CA7: variants seen among roughly 807,000 people sequenced by gnomAD.
CA7 encodes the protein carbonate dehydratase VII.
CA7 carries 13 observed loss-of-function variants against 31.4 expected under a neutral mutation model. The ratio of observed to expected loss-of-function variants is 0.41; its 90% confidence interval spans 0.27 to 0.66. The LOEUF (loss-of-function observed/expected upper bound fraction) is 0.66. CA7 is among the 30% of genes least tolerant of loss of function. The pLI, the probability that CA7 is intolerant of heterozygous loss-of-function variation, is 0.28. For synonymous variants in CA7, 128 were observed against 133.2 expected (o/e 0.96, Z 0.27); for missense variants, 215 against 351.0 (o/e 0.61, Z 3.10).
intron 1 of CA7, among the ~76,000 whole-genome samples, chr16:66,846,731 G>T (rs1419414395): frequency 6.6e-6 from 1 of 152,184 alleles, no homozygotes; most frequent in Non-Finnish European, 1.5e-5. Context: ...CTGTTGGGGA[G>T]ACTTATTACT....
intron 2 of CA7, among the ~76,000 whole-genome samples, chr16:66,849,357 C>A (rs1341986664): frequency 6.6e-6 from 1 of 152,154 alleles, no homozygotes; most frequent in Admixed American, 6.5e-5. Flanking sequence ...TGGAAAAGCA[C>A]AAAGTTTAAA....
chr16:66,849,648 G>A (rs998889071), intron 2 of CA7, among the ~76,000 whole-genome samples: 2 of 152,172 alleles, frequency 1.3e-5, no homozygotes, highest in Non-Finnish European at 2.9e-5. Flanking sequence ...TGATAATGGG[G>A]GTCCTGGGAG....
At chr16:66,847,334 C>T in intron 2 of CA7, 107 bp downstream of exon 2, 3 of 936,142 alleles carry the variant, frequency 3.2e-6, no homozygotes, top group East Asian at 2.6e-5. Context: ...AGAAAGGTTC[C>T]TCCTCTCACC....
intron 5 of CA7, 118 bp from the exon 6 acceptor site, chr16:66,852,594 A>G: frequency 3.7e-6 from 1 of 267,794 alleles, no homozygotes; most frequent in Non-Finnish European, 5.7e-6. Flanking sequence ...AAGAAAAAAA[A>G]AAGAAAAGAA....
At position 66,844,464 on chromosome 16, in the gene CA7, CACGGCTGCGGGG is replaced by C; in HGVS notation, c.-18_-7del. The C allele has an allele frequency of 6.5e-7, 1 of 1,537,498 alleles. No homozygotes were observed. Among genetic ancestry groups the C allele is most frequent in the Non-Finnish European group, 8.8e-7 (1 of 1,141,456 alleles). ...GCGGACCGAGCCGACCGGGCAGGTGCACGGCTGCGGGGACGGCAGCGGCATGACCGGCCACCA... is the reference window on the plus strand; with the variant it reads ...GCGGACCGAGCCGACCGGGCAGGTGCACGGCAGCGGCATGACCGGCCACCA... On this transcript the variant is annotated 5_prime_UTR_variant, in exon 1 of 7. Coordinates refer to ENST00000338437, the MANE Select transcript of CA7 (RefSeq NM_005182.3).
rs781755614 is a variant in CA7, at chr16:66,853,366, C to T, written c.673-10C>T. ...CAATCTGCCCTGAGCATTCCTTCTGCTTCCTCAAGATGGGGAAGTTCCGGA... is the reference window on the plus strand; with the variant it reads ...CAATCTGCCCTGAGCATTCCTTCTGTTTCCTCAAGATGGGGAAGTTCCGGA... On this transcript the variant is annotated splice_polypyrimidine_tract_variant and intron_variant, in intron 6 of 6. Transcript: ENST00000338437. The surrounding 1 kb of genome is among the most constrained non-coding windows in gnomAD (Gnocchi z 4.5). The T allele has an allele frequency of 6.2e-7, 1 of 1,614,110 alleles. No individual in the cohort carries two copies.
chr16:66,852,417 C>T (rs774801838), intron 5 of CA7, among the ~76,000 whole-genome samples: 1 of 149,540 alleles, frequency 6.7e-6, no homozygotes, highest in Admixed American at 6.7e-5. Flanking sequence ...GAGCCGAGAT[C>T]GTGCCACTGC....
Position 66,853,740 on chromosome 16 carries a change from C to T in CA7, c.*242C>T, listed in dbSNP as rs1597064797. On this transcript the variant is annotated 3_prime_UTR_variant, in exon 7 of 7. Transcript: ENST00000338437. The surrounding 1 kb of genome is among the most constrained non-coding windows in gnomAD (Gnocchi z 4.5). ...GGGTCCAAGCCTGGGGCTGCCTCTG[C>T]TCTCCAAGACCCAAAGACCCTGGGA... The T allele has an allele frequency of 9.7e-6, 5 of 513,798 alleles. No individual in the cohort carries two copies. The East Asian group carries it at 1.6e-4, about 16-fold the overall frequency. The allele number at this position is 513,798 out of a possible 1,614,324, so 31.8% of individuals were successfully genotyped here. A position where few individuals can be genotyped will look rare whatever the true frequency, so the allele number is the denominator to read the frequency against.
chr16:66,853,413 A>T lies in CA7; in HGVS notation c.710A>T (p.Asp237Val). The change falls in exon 7 of 7, where the codon GAC becomes GTC. Residue 237 changes from aspartate to valine, a missense_variant. Physicochemically the swap from Asp to Val is radical, Grantham distance 152 (BLOSUM62 -3). Coordinates refer to ENST00000338437, the MANE Select transcript of CA7 (RefSeq NM_005182.3). The surrounding 1 kb of genome is among the most constrained non-coding windows in gnomAD (Gnocchi z 4.5). ...KFRSLLFTSE[D>V]DERIHMVNNF... The stretch of plus-strand genomic sequence containing the variant: ...CGGAGCCTGCTTTTTACCTCGGAGG[A>T]CGATGAGAGGATCCACATGGTGAAC... The T allele has an allele frequency of 6.2e-7, 1 of 1,614,112 alleles. No individual in the cohort carries two copies. Among genetic ancestry groups the T allele is most frequent in the Middle Eastern group, 1.6e-4 (1 of 6,062 alleles).
intron 1 of CA7, among the ~76,000 whole-genome samples, chr16:66,846,690 G>T (rs986190022): frequency 6.6e-6 from 1 of 152,164 alleles, no homozygotes; most frequent in Admixed American, 6.5e-5. Context: ...GATGGGGTCA[G>T]GTCAGAGACT....
intron 2 of CA7, among the ~76,000 whole-genome samples, chr16:66,848,796 C>T (rs1313775345): frequency 6.6e-6 from 1 of 152,172 alleles, no homozygotes; most frequent in Admixed American, 6.5e-5. Context: ...GGAGCCCACA[C>T]TATAGGGTCC....
chr16:66,851,682 A>C lies in CA7; in HGVS notation c.472A>C (p.Ser158Arg). Reference sequence around the variant, plus strand: ...CTGACAGACAGGAGACGAGCACCCCAGCATGAATCGTCTGACAGATGCGCT... The same window carrying C: ...CTGACAGACAGGAGACGAGCACCCCCGCATGAATCGTCTGACAGATGCGCT... ...VFLETGDEHP[S>R]MNRLTDALYM... Residue 158 changes from serine (S) to arginine (R), a missense_variant, in exon 5 of 7, where the codon AGC becomes CGC. Transcript: ENST00000338437. 2 of 1,614,160 alleles carry C rather than the reference A, an allele frequency of 1.2e-6. No individual in the cohort carries two copies. Among genetic ancestry groups the C allele is most frequent in the South Asian group, 2.2e-5 (2 of 91,080 alleles).
Position 66,853,438 on chromosome 16 carries a change from C to T in CA7, c.735C>T (p.Asn245=), listed in dbSNP as rs147331762. The change falls in exon 7 of 7, where the codon AAC becomes AAT. Residue 245 remains asparagine (N), a synonymous_variant. Coordinates refer to ENST00000338437, the MANE Select transcript of CA7 (RefSeq NM_005182.3). This position sits in a 1 kb window ranked among gnomAD's most constrained non-coding sequence, Gnocchi z 4.5. ...ACGATGAGAGGATCCACATGGTGAA[C>T]AACTTCCGGCCACCACAGCCACTGA... is the stretch of plus-strand genomic sequence containing the variant. The part of the protein sequence containing the change: ...SEDDERIHMV[N]NFRPPQPLKG... 77 of 1,614,152 alleles carry T rather than the reference C, an allele frequency of 4.8e-5. No individual in the cohort carries two copies. In the African/African-American group the frequency reaches 8.5e-4, roughly 18 times the overall value.
intron 5 of CA7, among the ~76,000 whole-genome samples, 177 bp from the exon 6 acceptor site, chr16:66,852,535 G>GGA (rs1961080336): frequency 8.3e-6 from 1 of 119,968 alleles, no homozygotes; most frequent in East Asian, 2.1e-4. Flanking sequence ...GAAGGGAAAG[G>GGA]AAGGAAGGAA....
In CA7 at chr16:66,847,140, C is replaced by G; in HGVS notation, c.151C>G (p.Leu51Val). The G allele has an allele frequency of 6.2e-7, 1 of 1,614,214 alleles. No homozygotes were observed. Among genetic ancestry groups the G allele is most frequent in the South Asian group, 1.1e-5 (1 of 91,088 alleles). ...CTCTCCCAGCCTGCAACCACTGGAG[C>G]TTTCCTATGAGGCCTGCATGTCCCT... ...VYSPSLQPLE[L>V]SYEACMSLSI... Residue 51 changes from leucine to valine, a missense_variant, in exon 2 of 7, where the codon CTT becomes GTT. Transcript: ENST00000338437.
intron 5 of CA7, among the ~76,000 whole-genome samples, 173 bp downstream of exon 5, chr16:66,851,899 C>T (rs909367495): frequency 2.0e-5 from 3 of 152,100 alleles, no homozygotes; most frequent in African/African-American, 7.2e-5. Context: ...TCAGCAGCCC[C>T]CTTGGGTGTC....
Position 66,852,705 on chromosome 16 carries a change from G to A in CA7, c.517-7G>A. 2 of 1,610,976 alleles carry A rather than the reference G, an allele frequency of 1.2e-6. No individual in the cohort carries two copies. Among genetic ancestry groups the A allele is most frequent in the Non-Finnish European group, 1.7e-6 (2 of 1,178,052 alleles). On this transcript the variant is annotated splice_region_variant and splice_polypyrimidine_tract_variant and intron_variant, in intron 5 of 6. Coordinates refer to ENST00000338437, the MANE Select transcript of CA7 (RefSeq NM_005182.3). ...GCTGATTCCTGGGTTCCTCCACCTTGTTCCAGGGCACCAAAGCCCAGTTCA... is the reference window on the plus strand; with the variant it reads ...GCTGATTCCTGGGTTCCTCCACCTTATTCCAGGGCACCAAAGCCCAGTTCA...
chr16:66,853,017 G>C lies in CA7; in HGVS notation c.672+150G>C. The C allele has an allele frequency of 1.3e-6, 1 of 771,556 alleles. No homozygotes were observed. Among genetic ancestry groups the C allele is most frequent in the Non-Finnish European group, 2.0e-6 (1 of 502,988 alleles). 47.8% of individuals were successfully genotyped at this position (771,556 alleles called of 1,614,324 possible). A position where few individuals can be genotyped will look rare whatever the true frequency, so the allele number is the denominator to read the frequency against. On this transcript the variant is annotated intron_variant, in intron 6 of 6. Coordinates refer to ENST00000338437, the MANE Select transcript of CA7 (RefSeq NM_005182.3). This position sits in a 1 kb window ranked among gnomAD's most constrained non-coding sequence, Gnocchi z 4.5. ...CTAATAAATGTATAGATTCTTGGTT[G>C]GGAGTTAGCTTGATTGTTAATCACC...
Position 66,853,724 on chromosome 16 carries a change from CCTGGGGCTGCCT to C in CA7, c.*230_*241del. 1 of 552,310 alleles carries C rather than the reference CCTGGGGCTGCCT, an allele frequency of 1.8e-6. No individual in the cohort carries two copies. Among genetic ancestry groups the C allele is most frequent in the Non-Finnish European group, 3.2e-6 (1 of 313,900 alleles). The allele number at this position is 552,310 out of a possible 1,614,324, so 34.2% of individuals were successfully genotyped here. A position where few individuals can be genotyped will look rare whatever the true frequency, so the allele number is the denominator to read the frequency against. On this transcript the variant is annotated 3_prime_UTR_variant, in exon 7 of 7. Transcript: ENST00000338437. The surrounding 1 kb of genome is among the most constrained non-coding windows in gnomAD (Gnocchi z 4.5). Reference sequence around the variant, plus strand: ...GGACAGGAGCTAAGCAGGGTCCAAGCCTGGGGCTGCCTCTGCTCTCCAAGACCCAAAGACCCT... The same window carrying C: ...GGACAGGAGCTAAGCAGGGTCCAAGCCTGCTCTCCAAGACCCAAAGACCCT...
Sources: allele counts gnomAD v4.1 joint callset (sites outside exome capture counted in the v4.1 genomes callset), GRCh38; gene constraint gnomAD v4.1.1; non-coding constraint Gnocchi (gnomAD v3.1); transcripts MANE v1.5; gene names NCBI Gene and HGNC (gene_info 2026-07-23, HGNC 2026-07-21).